The following SMAD1 variants were observed in gnomAD, a reference collection of about 807,000 sequenced individuals.
SMAD1 encodes the protein MAD, mothers against decapentaplegic homolog 1.
SMAD1 carries 6 observed loss-of-function variants against 41.6 expected under a neutral mutation model. The ratio of observed to expected loss-of-function variants is 0.14; its 90% confidence interval spans 0.08 to 0.28. The LOEUF is 0.28. SMAD1 is among the 10% of genes least tolerant of loss of function. SMAD1 has a pLI of 1.00. For synonymous variants in SMAD1, 206 were observed against 203.2 expected, an observed-to-expected ratio of 1.01 and a Z score of -0.12; for missense variants, 379 against 582.6, an observed-to-expected ratio of 0.65 and a Z score of 3.60.
intron 1 of SMAD1, among the ~76,000 whole-genome samples, chr4:145,507,202 T>A (rs1214629923): frequency 1.3e-5 from 2 of 151,546 alleles, no homozygotes; most frequent in Non-Finnish European, 2.9e-5. Context: ...TTAGCAAATA[T>A]TTGCTTCGAA....
chr4:145,510,478 A>C (rs142437933), intron 1 of SMAD1, among the ~76,000 whole-genome samples: 1 of 152,052 alleles, frequency 6.6e-6, no homozygotes, highest in East Asian at 1.9e-4. Flanking sequence ...AATATTTTCT[A>C]TTTCCTCTAT....
At chr4:145,546,513 G>A (rs1317641815) in intron 4 of SMAD1, 190 bp from the exon 5 acceptor site, 3 of 564,822 alleles carry the variant, frequency 5.3e-6, no homozygotes, top group Non-Finnish European at 9.5e-6. Flanking sequence ...TCTCCAATTA[G>A]GAGAATAAGG....
rs183161917 is a variant in SMAD1 at position 145,511,884 on chromosome 4, T to C, written c.-176-2554T>C. Among the ~76,000 whole-genome samples, 582 of 152,340 alleles carry C rather than the reference T, an allele frequency of 3.8e-3. 1 individual carries two copies. The highest frequency in any genetic ancestry group is 0.013 in the African/African-American group (552 of 41,580). The stretch of plus-strand genomic sequence containing the variant: ...CTCATTTCCTGCAGTTCTTTGCTTA[T>C]TTCTAGAGTCTTTTTCCTTCTGCCT... On this transcript the variant is annotated intron_variant, in intron 1 of 6. Transcript: ENST00000302085.
chr4:145,546,356 CCAAA>C, intron 4 of SMAD1: 1 of 214,986 alleles, frequency 4.7e-6, no homozygotes, highest in South Asian at 9.6e-5. Context: ...AGATGGTGAG[CCAAA>C]GTCTGTGGTA....
At chr4:145,492,192 C>A (rs74882207) in intron 1 of SMAD1, among the ~76,000 whole-genome samples, 1 of 152,106 alleles carries the variant, frequency 6.6e-6, no homozygotes, top group African/African-American at 2.4e-5. Flanking sequence ...TCGCTACACA[C>A]CAAACACTGG....
intron 1 of SMAD1, among the ~76,000 whole-genome samples, chr4:145,494,192 C>A (rs987121419): frequency 6.6e-6 from 1 of 152,278 alleles, no homozygotes; most frequent in Middle Eastern, 3.4e-3. Flanking sequence ...GAACTCCTGA[C>A]CTTGGGACCC....
intron 1 of SMAD1, among the ~76,000 whole-genome samples, chr4:145,509,382 G>C (rs79181081): frequency 2.0e-5 from 3 of 152,002 alleles, no homozygotes; most frequent in Non-Finnish European, 4.4e-5. Context: ...AATGAATGTC[G>C]ATTTGAATAG....
At chr4:145,505,566 C>A (rs1487324716) in intron 1 of SMAD1, among the ~76,000 whole-genome samples, 1 of 151,202 alleles carries the variant, frequency 6.6e-6, no homozygotes, top group African/African-American at 2.4e-5. Context: ...CTGCAGTGAG[C>A]CGAGATCGCG....
intron 2 of SMAD1, among the ~76,000 whole-genome samples, chr4:145,527,022 T>C (rs1194998118): frequency 6.6e-6 from 1 of 152,182 alleles, no homozygotes; most frequent in Non-Finnish European, 1.5e-5. Flanking sequence ...ATGACTGAAA[T>C]AGTGATACAA....
intron 1 of SMAD1, among the ~76,000 whole-genome samples, chr4:145,510,136 T>G (rs1729998241): frequency 6.6e-6 from 1 of 152,228 alleles, no homozygotes; most frequent in Admixed American, 6.5e-5. Context: ...AGGCTAACGA[T>G]TTCCCCATTC....
chr4:145,545,693 G>A (rs1732216125), intron 4 of SMAD1: 2 of 152,138 alleles, frequency 1.3e-5, no homozygotes, highest in East Asian at 3.9e-4. Flanking sequence ...TGTAGTCTGG[G>A]CTTCTGATGT....
At chr4:145,547,792 T>C (rs1384696766) in intron 5 of SMAD1, among the ~76,000 whole-genome samples, 1 of 152,216 alleles carries the variant, frequency 6.6e-6, no homozygotes, top group Non-Finnish European at 1.5e-5. Context: ...CTGATTTTAG[T>C]AATACATATG....
intron 1 of SMAD1, among the ~76,000 whole-genome samples, chr4:145,506,549 A>G (rs1729796539): frequency 6.6e-6 from 1 of 152,210 alleles, no homozygotes. Flanking sequence ...ATTATAAAAC[A>G]GCCTCTAGTC....
chr4:145,536,605 C>T (rs576787685), intron 2 of SMAD1, among the ~76,000 whole-genome samples: 2 of 152,186 alleles, frequency 1.3e-5, no homozygotes, highest in South Asian at 2.1e-4. Flanking sequence ...TGGAAAAGCA[C>T]GTCTTCATAT....
At chr4:145,525,979 C>A (rs568700694) in intron 2 of SMAD1, among the ~76,000 whole-genome samples, 1 of 152,196 alleles carries the variant, frequency 6.6e-6, no homozygotes, top group Non-Finnish European at 1.5e-5. Flanking sequence ...AATGGAAGAT[C>A]AGGTTTATAT....
At chr4:145,557,149 C>G (rs565223342) in intron 6 of SMAD1, among the ~76,000 whole-genome samples, 130 of 152,332 alleles carry the variant, frequency 8.5e-4, no homozygotes, top group African/African-American at 3.1e-3. Flanking sequence ...TTACTTTTCT[C>G]TTTTTCATAG....
chr4:145,547,596 T>C (rs1261156094), intron 5 of SMAD1, among the ~76,000 whole-genome samples: 2 of 152,204 alleles, frequency 1.3e-5, no homozygotes, highest in Non-Finnish European at 2.9e-5. Flanking sequence ...TTTAGTAAAC[T>C]TGATTATTTC....
intron 2 of SMAD1, among the ~76,000 whole-genome samples, chr4:145,516,745 A>G (rs1410279815): frequency 1.3e-5 from 2 of 152,212 alleles, no homozygotes; most frequent in Admixed American, 6.5e-5. Context: ...AGTTTTGGAG[A>G]GTAAAATGTA....
intron 6 of SMAD1, among the ~76,000 whole-genome samples, chr4:145,554,767 GAGTC>G (rs1275946148): frequency 6.6e-6 from 1 of 152,036 alleles, no homozygotes; most frequent in Non-Finnish European, 1.5e-5. Flanking sequence ...TTAGATTTCT[GAGTC>G]AGTGACTTTT....
Sources: allele counts gnomAD v4.1 joint callset (sites outside exome capture counted in the v4.1 genomes callset), GRCh38; gene constraint gnomAD v4.1.1; transcripts MANE v1.5; gene names NCBI Gene and HGNC (gene_info 2026-07-23, HGNC 2026-07-21).